The following NRG3 variants were observed in gnomAD, a reference collection of about 807,000 sequenced individuals.
NRG3 encodes the protein neuregulin 3.
Under a neutral mutation model 66.9 loss-of-function variants are expected in NRG3, and 31 were observed. The ratio of observed to expected loss-of-function variants is 0.46; its 90% CI spans 0.35 to 0.63. NRG3 has a LOEUF of 0.63. Among genes scored for constraint, NRG3 ranks in the 20% least tolerant of loss-of-function variants. The pLI, the probability that NRG3 is intolerant of heterozygous loss-of-function variation, is 0.00. For missense variants in NRG3, 910 were observed against 878.9 expected (o/e 1.04, Z -0.45); for synonymous variants, 393 against 359.4 (o/e 1.09, Z -1.06).
chr10:82,587,790 AT>A lies in NRG3; in HGVS notation c.954-150784del, dbSNP rs567181226. ...ACATTTTTCAACCAGAGCTCCTGAT[AT>A]TTGGAAGCTGGCAGCAATACATATT... On this transcript the variant is annotated intron_variant, in intron 2 of 8. Coordinates refer to ENST00000372141, the MANE Select transcript of NRG3 (RefSeq NM_001010848.4). Among the ~76,000 whole-genome samples the A allele has an allele frequency of 3.2e-4, 49 of 152,342 alleles. 1 individual carries two copies. In the South Asian group the frequency reaches 8.7e-3, roughly 27 times the overall value.
At chr10:82,243,415 T>C (rs1251404198) in intron 1 of NRG3, among the ~76,000 whole-genome samples, 1 of 152,012 alleles carries the variant, frequency 6.6e-6, no homozygotes, top group Non-Finnish European at 1.5e-5. Context: ...AAATTTACAA[T>C]ACAAGTGCCC....
chr10:82,255,988 A>G (rs2077706260), intron 1 of NRG3, among the ~76,000 whole-genome samples: 1 of 151,560 alleles, frequency 6.6e-6, no homozygotes, highest in African/African-American at 2.4e-5. Context: ...CAGTGGTGCA[A>G]TCTCGTCTCA....
intron 1 of NRG3, among the ~76,000 whole-genome samples, chr10:81,935,614 C>T (rs1847782246): frequency 6.6e-6 from 1 of 151,958 alleles, no homozygotes; most frequent in African/African-American, 2.4e-5. Context: ...TAACATCACC[C>T]CCTCCCCACC....
intron 1 of NRG3, among the ~76,000 whole-genome samples, chr10:82,311,517 T>C (rs1217235402): frequency 6.6e-6 from 1 of 152,140 alleles, no homozygotes; most frequent in East Asian, 1.9e-4. Context: ...TTATTTTTCA[T>C]TATAGCTAAA....
intron 2 of NRG3, among the ~76,000 whole-genome samples, chr10:82,594,254 A>T (rs757960176): frequency 3.3e-5 from 5 of 152,216 alleles, no homozygotes; most frequent in Non-Finnish European, 5.9e-5. Flanking sequence ...ATCTTTCTGC[A>T]TATAAGAAAA....
At chr10:81,925,415 C>T (rs536004667) in intron 1 of NRG3, among the ~76,000 whole-genome samples, 1 of 152,254 alleles carries the variant, frequency 6.6e-6, no homozygotes, top group South Asian at 2.1e-4. Context: ...ATTTCCAAGA[C>T]CTAACATGGC....
Position 82,984,679 on chromosome 10 carries a change from G to T in NRG3, c.1584-419G>T, listed in dbSNP as rs1291994722. The T allele has an allele frequency of 2.5e-6, 3 of 1,180,448 alleles. No homozygotes were observed. In the African/African-American group the frequency reaches 4.6e-5, roughly 18 times the overall value. 73.1% of individuals were successfully genotyped at this position (1,180,448 alleles called of 1,614,324 possible). A position where few individuals can be genotyped will look rare whatever the true frequency, so the allele number is the denominator to read the frequency against. Reference sequence around the variant, plus strand: ...ACTGGACTAACCCAGGGCTGAGAGGGTGGTCGAGTTGATGGAGTGGACTAA... The same window carrying T: ...ACTGGACTAACCCAGGGCTGAGAGGTTGGTCGAGTTGATGGAGTGGACTAA... On this transcript the variant is annotated intron_variant, in intron 8 of 8. Transcript: ENST00000372141.
At chr10:82,211,241 G>A (rs192412733) in intron 1 of NRG3, among the ~76,000 whole-genome samples, 19 of 152,136 alleles carry the variant, frequency 1.2e-4, no homozygotes, top group Non-Finnish European at 2.4e-4. Flanking sequence ...AGGAAAAGTC[G>A]CTGACTGCCT....
At chr10:82,263,858 G>A (rs1423155819) in intron 1 of NRG3, among the ~76,000 whole-genome samples, 1 of 152,142 alleles carries the variant, frequency 6.6e-6, no homozygotes, top group Non-Finnish European at 1.5e-5. Context: ...AAATGTTGTT[G>A]CTTTTAAAGT....
At chr10:82,580,386 A>G (rs1281747213) in intron 2 of NRG3, among the ~76,000 whole-genome samples, 5 of 152,120 alleles carry the variant, frequency 3.3e-5, no homozygotes, top group Non-Finnish European at 5.9e-5. Flanking sequence ...CAATTGAAGA[A>G]CAAATATGGA....
In NRG3 at chr10:81,973,259, A is replaced by T. The variant is rs189694697; in HGVS notation, c.823+97096A>T. 1.7e-3 allele frequency among the ~76,000 whole-genome samples: 254 copies of T among 152,340 alleles called. 1 individual carries two copies. Among genetic ancestry groups the T allele is most frequent in the African/African-American group, 5.0e-3 (208 of 41,568 alleles). ...ATGATCTCAGTTTTCTAATAGTTGT[A>T]TAACATTCCATGGTGTATGTGTACC... On this transcript the variant is annotated intron_variant, in intron 1 of 8. Coordinates refer to ENST00000372141, the MANE Select transcript of NRG3 (RefSeq NM_001010848.4).
chr10:82,831,806 A>C (rs1483008677), intron 3 of NRG3, among the ~76,000 whole-genome samples: 1 of 152,150 alleles, frequency 6.6e-6, no homozygotes, highest in Admixed American at 6.5e-5. Context: ...AAAAAAATAA[A>C]AAATAAAAAA....
chr10:82,288,495 G>GGCA (rs1194959389), intron 1 of NRG3, among the ~76,000 whole-genome samples: 3 of 152,106 alleles, frequency 2.0e-5, no homozygotes, highest in Non-Finnish European at 4.4e-5. Flanking sequence ...GCAAGGAGGA[G>GGCA]GCAGCCTGAA....
intron 1 of NRG3, among the ~76,000 whole-genome samples, chr10:82,151,888 T>C (rs547951019): frequency 6.6e-6 from 1 of 152,346 alleles, no homozygotes; most frequent in East Asian, 1.9e-4. Context: ...AGTGAATTTC[T>C]ATTGACCTCA....
chr10:82,707,554 T>C (rs1268933089), intron 2 of NRG3, among the ~76,000 whole-genome samples: 3 of 64,380 alleles, frequency 4.7e-5, no homozygotes, highest in Non-Finnish European at 1.2e-4. Flanking sequence ...CACTCCTGGT[T>C]AATTGTTTGT....
intron 4 of NRG3, among the ~76,000 whole-genome samples, chr10:82,913,996 T>C (rs972710113): frequency 4.6e-5 from 7 of 152,222 alleles, no homozygotes; most frequent in Non-Finnish European, 1.0e-4. Flanking sequence ...TGTTTATTAT[T>C]TTTCTCTTTG....
chr10:82,134,143 A>G (rs2069147433), intron 1 of NRG3, among the ~76,000 whole-genome samples: 1 of 151,960 alleles, frequency 6.6e-6, no homozygotes, highest in East Asian at 1.9e-4. Flanking sequence ...TAAATTCTTT[A>G]TAGGTGCTGG....
chr10:81,895,762 T>C (rs1361910449), intron 1 of NRG3, among the ~76,000 whole-genome samples: 1 of 152,088 alleles, frequency 6.6e-6, no homozygotes, highest in Non-Finnish European at 1.5e-5. Context: ...GGAGTGAGCC[T>C]CCAGGAGCCC....
At chr10:82,474,042 CA>C (rs1161513610) in intron 2 of NRG3, among the ~76,000 whole-genome samples, 2 of 151,974 alleles carry the variant, frequency 1.3e-5, no homozygotes, top group Non-Finnish European at 2.9e-5. Context: ...CAGGAATATA[CA>C]TGTTCAGAAC....
Sources: allele counts gnomAD v4.1 joint callset (sites outside exome capture counted in the v4.1 genomes callset), GRCh38; gene constraint gnomAD v4.1.1; transcripts MANE v1.5; gene names NCBI Gene and HGNC (gene_info 2026-07-23, HGNC 2026-07-21).